The following RPS6KA2 variants were observed in gnomAD, a reference collection of about 807,000 sequenced individuals.
RPS6KA2 encodes ribosomal protein S6 kinase A2, also known as ribosomal protein S6 kinase alpha-2.
Under a neutral mutation model 91.8 loss-of-function variants are expected in RPS6KA2, and 42 were observed. That is an observed-to-expected ratio of 0.46 (90% CI 0.36 to 0.59). The LOEUF (loss-of-function observed/expected upper bound fraction) is 0.59. Ranked by LOEUF, RPS6KA2 falls within the 20% of genes least tolerant of loss-of-function variation. RPS6KA2 has a pLI of 0.00. For missense variants in RPS6KA2, 798 were observed against 978.5 expected (o/e 0.82, Z 2.46); for synonymous variants, 414 against 393.6 (o/e 1.05, Z -0.61).
chr6:166,826,768 T>C (rs1451308884), intron 2 of RPS6KA2, among the ~76,000 whole-genome samples: 2 of 152,220 alleles, frequency 1.3e-5, no homozygotes, highest in Non-Finnish European at 2.9e-5. Flanking sequence ...AATTCAGTAC[T>C]AGATTTAGTA....
chr6:166,697,819 T>C (rs1789399500), intron 2 of RPS6KA2, among the ~76,000 whole-genome samples: 1 of 152,158 alleles, frequency 6.6e-6, no homozygotes, highest in African/African-American at 2.4e-5. Context: ...GCAACATGGA[T>C]GGATGGCCGT....
rs982813182 is a variant in RPS6KA2, at chr6:166,733,307, G to A, written c.123+124893C>T. Among the ~76,000 whole-genome samples, 3 of 152,170 alleles carry A rather than the reference G, an allele frequency of 2.0e-5. No individual in the cohort carries two copies. The highest frequency in any genetic ancestry group is 6.5e-5 in the Admixed American group (1 of 15,284). ...TTTATGGACATGCAGGACTGATGCC[G>A]CCACTGTCAGTAACAGCAGTGGTGT... is the stretch of plus-strand genomic sequence containing the variant. On this transcript the variant is annotated intron_variant, in intron 2 of 21. Coordinates refer to the RPS6KA2 transcript ENST00000503859. The surrounding 1 kb of genome is among the most constrained non-coding windows in gnomAD (Gnocchi z 4.1).
At chr6:166,506,684 G>C (rs1193185085) in intron 5 of RPS6KA2, among the ~76,000 whole-genome samples, 1 of 152,130 alleles carries the variant, frequency 6.6e-6, no homozygotes, top group Non-Finnish European at 1.5e-5. Context: ...ATGGTCTCTG[G>C]GACCCTTTGC....
chr6:166,572,400 T>A (rs1284133803), intron 1 of RPS6KA2, among the ~76,000 whole-genome samples: 1 of 152,210 alleles, frequency 6.6e-6, no homozygotes, highest in Non-Finnish European at 1.5e-5. Flanking sequence ...TAAACAGATA[T>A]TGGTTTAGGA....
intron 2 of RPS6KA2, among the ~76,000 whole-genome samples, chr6:166,788,858 A>C (rs1778999896): frequency 6.6e-6 from 1 of 152,206 alleles, no homozygotes; most frequent in Admixed American, 6.5e-5. Context: ...AAAATAAAAA[A>C]TAAAAATAAA....
chr6:166,517,455 G>GTTTTTTTTTTTTTTTTT (rs71032809), intron 3 of RPS6KA2, among the ~76,000 whole-genome samples: 4 of 104,938 alleles, frequency 3.8e-5, no homozygotes, highest in Middle Eastern at 4.9e-3. Flanking sequence ...CTTTTGTTTT[G>GTTTTTTTTTTTTTTTTT]TTTTTTTTTT....
intron 2 of RPS6KA2, among the ~76,000 whole-genome samples, chr6:166,664,128 C>T (rs1788248407): frequency 6.6e-6 from 1 of 152,234 alleles, no homozygotes; most frequent in Non-Finnish European, 1.5e-5. Context: ...ATAGGCCATT[C>T]TTTTTAGCAT....
intron 1 of RPS6KA2, among the ~76,000 whole-genome samples, chr6:166,540,548 T>C (rs1281476720): frequency 6.6e-6 from 1 of 152,254 alleles, no homozygotes; most frequent in African/African-American, 2.4e-5. Context: ...AGATACAGAA[T>C]TACAATTTTG....
At chr6:166,654,331 G>A (rs1014758287) in intron 2 of RPS6KA2, among the ~76,000 whole-genome samples, 5 of 152,160 alleles carry the variant, frequency 3.3e-5, no homozygotes, top group East Asian at 1.9e-4. Flanking sequence ...AGTAATGAAC[G>A]TGAAACAAGC....
At chr6:166,550,872 G>A (rs1337474660) in intron 1 of RPS6KA2, among the ~76,000 whole-genome samples, 1 of 151,656 alleles carries the variant, frequency 6.6e-6, no homozygotes, top group East Asian at 1.9e-4. Flanking sequence ...GTGGTGGCGG[G>A]CGCCTGTAGT....
intron 10 of RPS6KA2, among the ~76,000 whole-genome samples, chr6:166,485,688 G>A (rs747391779): frequency 4.6e-5 from 7 of 152,192 alleles, no homozygotes; most frequent in Non-Finnish European, 1.0e-4. Flanking sequence ...AAGAAACACC[G>A]CCTCCCCCAC....
chr6:166,455,123 C>A (rs1047070999), intron 12 of RPS6KA2, among the ~76,000 whole-genome samples: 1 of 152,126 alleles, frequency 6.6e-6, no homozygotes, highest in Non-Finnish European at 1.5e-5. Flanking sequence ...TTCTTCCCCC[C>A]CTCGTCTGTT....
chr6:166,693,519 A>G (rs187683019), intron 2 of RPS6KA2, among the ~76,000 whole-genome samples: 21 of 152,202 alleles, frequency 1.4e-4, no homozygotes, highest in Admixed American at 1.4e-3. Context: ...CCTGTTCCAT[A>G]TTTGTGGACT....
intron 2 of RPS6KA2, among the ~76,000 whole-genome samples, chr6:166,823,965 G>T (rs1324865729): frequency 6.6e-6 from 1 of 152,120 alleles, no homozygotes; most frequent in Admixed American, 6.5e-5. Context: ...AAAAAGCTTG[G>T]CATGCTCTCC....
At chr6:166,808,688 A>G (rs76947328) in intron 2 of RPS6KA2, among the ~76,000 whole-genome samples, 6,301 of 152,328 alleles carry the variant, frequency 0.041, 552 homozygotes, top group East Asian at 0.39. Context: ...GTTTCCATTA[A>G]AGAAAGTTAA....
In RPS6KA2 at chr6:166,490,581, T is replaced by G; in HGVS notation, c.818+90A>C. 1.1e-6 allele frequency: 1 copy of G among 896,204 alleles called. No homozygotes were observed. Among genetic ancestry groups the G allele is most frequent in the Non-Finnish European group, 1.8e-6 (1 of 553,644 alleles). The allele number at this position is 896,204 out of a possible 1,614,324, so 55.5% of individuals were successfully genotyped here. A position where few individuals can be genotyped will look rare whatever the true frequency, so the allele number is the denominator to read the frequency against. Reference sequence around the variant, plus strand: ...TGGCACTGTAAGCCTAGCAATGTAATTAAAACTTCACAGTTCCAGGTTCAG... The same window carrying G: ...TGGCACTGTAAGCCTAGCAATGTAAGTAAAACTTCACAGTTCCAGGTTCAG... On this transcript the variant is annotated intron_variant, in intron 9 of 20. Transcript: ENST00000265678. This position sits in a 1 kb window ranked among gnomAD's most constrained non-coding sequence, Gnocchi z 4.2.
At position 166,762,489 on chromosome 6, in the gene RPS6KA2, T is replaced by C. The variant is rs1207432647; in HGVS notation, c.123+95711A>G. On this transcript the variant is annotated intron_variant, in intron 2 of 21. Coordinates refer to the RPS6KA2 transcript ENST00000503859. ...TCCCTGGCACATGGAGTGTGTAAAG[T>C]CATGTTCTTAAGTGAAAGTATCTTG... Among the ~76,000 whole-genome samples, 3 of 152,100 alleles carry C rather than the reference T, an allele frequency of 2.0e-5. No homozygotes were observed. In the East Asian group the frequency reaches 5.8e-4, roughly 29 times the overall value.
chr6:166,455,457 C>T (rs1269514431), intron 12 of RPS6KA2, among the ~76,000 whole-genome samples: 2 of 152,182 alleles, frequency 1.3e-5, no homozygotes, highest in East Asian at 3.9e-4. Context: ...GCAGCTAGAG[C>T]CAGGTGTCGG....
intron 2 of RPS6KA2, among the ~76,000 whole-genome samples, chr6:166,705,114 T>C (rs1021289177): frequency 1.3e-5 from 2 of 152,208 alleles, no homozygotes; most frequent in African/African-American, 4.8e-5. Flanking sequence ...ACTCAACATC[T>C]TATTCTGAGA....
Sources: gnomAD v4.1 joint callset for allele counts (sites outside exome capture counted in the v4.1 genomes callset) on GRCh38, gnomAD v4.1.1 for gene constraint, Gnocchi (gnomAD v3.1) non-coding constraint, MANE v1.5 for transcripts, NCBI Gene and HGNC (gene_info 2026-07-23, HGNC 2026-07-21) for gene names.